Variants in NRG4 observed in about 807,000 individuals in gnomAD.
NRG4 encodes neuregulin 4.
Under a neutral mutation model 15.0 loss-of-function variants are expected in NRG4, and 10 were observed. The ratio of observed to expected loss-of-function variants is 0.67; its 90% CI spans 0.41 to 1.13. The LOEUF (loss-of-function observed/expected upper bound fraction) is 1.13. Among genes scored for constraint, NRG4 ranks in the 50% most tolerant of loss-of-function variants. NRG4 has a pLI of 0.00. For synonymous variants in NRG4, 41 were observed against 50.1 expected (o/e 0.82, Z 0.77); for missense variants, 139 against 140.2 (o/e 0.99, Z 0.04).
At chr15:76,006,927 A>C (rs1374130434) in intron 3 of NRG4, among the ~76,000 whole-genome samples, 3 of 152,212 alleles carry the variant, frequency 2.0e-5, no homozygotes, top group Non-Finnish European at 4.4e-5. Flanking sequence ...GTATACAGAT[A>C]GATATTAAGT....
intron 5 of NRG4, among the ~76,000 whole-genome samples, chr15:75,944,366 T>C (rs1476466824): frequency 1.3e-5 from 2 of 152,208 alleles, no homozygotes; most frequent in African/African-American, 4.8e-5. Flanking sequence ...GCTTTCCATT[T>C]GGAGAGTTGT....
At chr15:75,953,672 C>T (rs1227716193) in intron 5 of NRG4, among the ~76,000 whole-genome samples, 1 of 152,110 alleles carries the variant, frequency 6.6e-6, no homozygotes, top group South Asian at 2.1e-4. Context: ...GCCTTTAAGA[C>T]TTTATCACTG....
At chr15:76,044,161 C>A (rs530615380) in intron 4 of NRG4, among the ~76,000 whole-genome samples, 1 of 148,790 alleles carries the variant, frequency 6.7e-6, no homozygotes, top group South Asian at 2.1e-4. Flanking sequence ...CCGCGCCCGG[C>A]TAATTTTTTT....
chr15:76,051,774 T>C (rs553818726), intron 4 of NRG4, among the ~76,000 whole-genome samples: 1 of 150,198 alleles, frequency 6.7e-6, no homozygotes, highest in African/African-American at 2.5e-5. Context: ...GGTTTCACCA[T>C]GTTAGCCAGG....
intron 4 of NRG4, among the ~76,000 whole-genome samples, chr15:76,037,404 A>G (rs1320396364): frequency 6.6e-6 from 1 of 152,182 alleles, no homozygotes; most frequent in Non-Finnish European, 1.5e-5. Flanking sequence ...GAGTGAGAGC[A>G]CAGAGACTGT....
chr15:76,024,979 A>AAAC (rs949378590), intron 5 of NRG4, among the ~76,000 whole-genome samples: 4 of 152,188 alleles, frequency 2.6e-5, no homozygotes, highest in Non-Finnish European at 4.4e-5. Context: ...AAAAAACAAC[A>AAAC]AACAACAACA....
chr15:76,043,041 A>G (rs2035783821), intron 4 of NRG4, among the ~76,000 whole-genome samples: 1 of 152,216 alleles, frequency 6.6e-6, no homozygotes, highest in African/African-American at 2.4e-5. Flanking sequence ...AAAAGAATGA[A>G]GGACAAAAAT....
rs188497760 is a variant in NRG4 at position 75,970,757 on chromosome 15, A to G, written c.105-8783T>C. The stretch of plus-strand genomic sequence containing the variant: ...AAGTGAGACAGCAAGAAAAGGCCTC[A>G]CCTAGCTAAGGATGCAGGGATAGGT... On this transcript the variant is annotated intron_variant, in intron 3 of 5. Coordinates refer to ENST00000394907, the MANE Select transcript of NRG4 (RefSeq NM_138573.4). Among the ~76,000 whole-genome samples, 61 of 152,308 alleles carry G rather than the reference A, an allele frequency of 4.0e-4. 1 individual carries two copies. Among genetic ancestry groups the G allele is most frequent in the African/African-American group, 1.4e-3 (59 of 41,554 alleles).
At chr15:75,979,328 A>C (rs2033506776) in intron 3 of NRG4, among the ~76,000 whole-genome samples, 1 of 152,174 alleles carries the variant, frequency 6.6e-6, no homozygotes, top group South Asian at 2.1e-4. Context: ...TGGTTATATC[A>C]GCAAAACTCT....
chr15:76,048,815 T>C (rs935478529), intron 4 of NRG4, among the ~76,000 whole-genome samples: 6 of 150,364 alleles, frequency 4.0e-5, no homozygotes, highest in Non-Finnish European at 8.9e-5. Flanking sequence ...GAGGCCGAGG[T>C]GGATGGATCA....
intron 3 of NRG4, among the ~76,000 whole-genome samples, chr15:75,995,751 C>G (rs1367351840): frequency 6.6e-6 from 1 of 152,098 alleles, no homozygotes; most frequent in African/African-American, 2.4e-5. Flanking sequence ...TAGAGACTAG[C>G]TGAATATGCA....
At chr15:76,017,155 C>CTTTTTTTTTTTTTTTTTTTTTTT (rs66838505), upstream of NRG4, among the ~76,000 whole-genome samples, 3 of 52,304 alleles carry the variant, frequency 5.7e-5, no homozygotes, top group African/African-American at 1.7e-4. Context: ...CAACCCCTGC[C>CTTTTTTTTTTTTTTTTTTTTTTT]TTTTTTTTTT....
intron 5 of NRG4, among the ~76,000 whole-genome samples, chr15:75,948,796 T>G (rs2031698570): frequency 6.7e-6 from 1 of 149,126 alleles, no homozygotes; most frequent in African/African-American, 2.5e-5. Flanking sequence ...ATGCCTGTAA[T>G]CCCAGCACTT....
intron 2 of NRG4, among the ~76,000 whole-genome samples, chr15:76,056,329 T>C (rs540329432): frequency 3.9e-5 from 6 of 152,038 alleles, no homozygotes; most frequent in Non-Finnish European, 7.4e-5. Context: ...TGCTGGCGCA[T>C]GCCTGTAATC....
Position 76,026,376 on chromosome 15 carries a change from T to C in NRG4, c.-57+9568A>G, listed in dbSNP as rs921723518. Among the ~76,000 whole-genome samples, 16 of 152,168 alleles carry C rather than the reference T, an allele frequency of 1.1e-4. 1 individual carries two copies. The highest frequency in any genetic ancestry group is 2.9e-5 in the Non-Finnish European group (2 of 68,034). On this transcript the variant is annotated intron_variant, in intron 5 of 8. Coordinates refer to the NRG4 transcript ENST00000563910. Reference sequence around the variant, plus strand: ...AGAAACCTTACAGGCCAGGAGAAAATAGGATATAATCAAAGTACTGAAAGA... The same window carrying C: ...AGAAACCTTACAGGCCAGGAGAAAACAGGATATAATCAAAGTACTGAAAGA...
intron 4 of NRG4, among the ~76,000 whole-genome samples, chr15:76,039,768 C>T (rs879790453): frequency 7.2e-5 from 11 of 152,196 alleles, no homozygotes; most frequent in South Asian, 2.1e-4. Context: ...TGGCTGGGTG[C>T]GGTGGCTAAC....
At chr15:76,021,976 A>G (rs2035168686) in intron 5 of NRG4, among the ~76,000 whole-genome samples, 1 of 152,208 alleles carries the variant, frequency 6.6e-6, no homozygotes, top group Non-Finnish European at 1.5e-5. Context: ...TCCCATAAAG[A>G]GCACGCAATC....
At chr15:76,021,542 C>T (rs2141927928) in intron 5 of NRG4, among the ~76,000 whole-genome samples, 1 of 152,344 alleles carries the variant, frequency 6.6e-6, no homozygotes, top group East Asian at 1.9e-4. Context: ...CACATACACA[C>T]ACACTAAACC....
upstream of NRG4, among the ~76,000 whole-genome samples, chr15:76,015,161 A>G (rs2034936995): frequency 1.3e-5 from 2 of 152,170 alleles, no homozygotes; most frequent in African/African-American, 4.8e-5. Context: ...ATTGGTGTAT[A>G]GGAATGCTTG....
Sources: gnomAD v4.1 joint callset for allele counts (sites outside exome capture counted in the v4.1 genomes callset) on GRCh38, gnomAD v4.1.1 for gene constraint, MANE v1.5 for transcripts, NCBI Gene and HGNC (gene_info 2026-07-23, HGNC 2026-07-21) for gene names.